The following HNRNPH1 variants were observed in gnomAD, a reference collection of about 807,000 sequenced individuals.
The protein encoded by HNRNPH1 is heterogeneous nuclear ribonucleoprotein H1.
Under a neutral mutation model 58.6 loss-of-function variants are expected in HNRNPH1, and 4 were observed. The ratio of observed to expected loss-of-function variants is 0.07; its 90% CI spans 0.03 to 0.16. The LOEUF (loss-of-function observed/expected upper bound fraction) is 0.16. Ranked by LOEUF, HNRNPH1 falls within the 10% of genes least tolerant of loss-of-function variation. HNRNPH1 has a pLI of 1.00. For synonymous variants in HNRNPH1, 192 were observed against 189.2 expected (o/e 1.01, Z -0.12); for missense variants, 271 against 564.2 (o/e 0.48, Z 5.26).
chr5:179,626,837 G>A (rs1325556223), upstream of HNRNPH1, among the ~76,000 whole-genome samples: 7 of 147,206 alleles, frequency 4.8e-5, no homozygotes, highest in South Asian at 2.2e-4. Flanking sequence ...GTACAATGGC[G>A]CGATCTCCGC....
rs1400115614 is a variant in HNRNPH1 at position 179,621,232 on chromosome 5, T to C, written c.253+10A>G. 2 of 1,612,274 alleles carry C rather than the reference T, an allele frequency of 1.2e-6. No homozygotes were observed. The highest frequency in any genetic ancestry group is 1.7e-6 in the Non-Finnish European group (2 of 1,178,470). On this transcript the variant is annotated intron_variant, in intron 2 of 12. Transcript: ENST00000356731. ...TTTATTTACTGTAACTAGGGCAATG[T>C]AAATCAAACCTTCAACATATCTGTG...
At position 179,623,065 on chromosome 5, in the gene HNRNPH1, C is replaced by G. The variant is rs915484179; in HGVS notation, c.69G>C (p.Ser23=). The G allele has an allele frequency of 4.4e-6, 7 of 1,603,042 alleles. No homozygotes were observed. In the African/African-American group the frequency reaches 5.4e-5, roughly 12 times the overall value. Residue 23 remains serine, a synonymous_variant, in exon 1 of 13, where the codon TCG becomes TCC. Coordinates refer to ENST00000356731, the Ensembl canonical transcript of HNRNPH1. ...AAAAAAACCTCTGCACTTCATCGGC[C>G]GAGCAAGACCAGGGCAAGCCCCGGA... is the stretch of plus-strand genomic sequence containing the variant.
chr5:179,632,095 A>G (rs1455099326), intron 2 of HNRNPH1, among the ~76,000 whole-genome samples: 1 of 151,970 alleles, frequency 6.6e-6, no homozygotes, highest in African/African-American at 2.4e-5. Flanking sequence ...TCACGAGGTC[A>G]GGAGATCGAG....
chr5:179,617,434 C>G, intron 8 of HNRNPH1, 80 bp downstream of exon 9: 2 of 1,469,594 alleles, frequency 1.4e-6, no homozygotes, highest in East Asian at 2.3e-5. Flanking sequence ...CTCATATATC[C>G]TTATTTTTCC....
upstream of HNRNPH1, among the ~76,000 whole-genome samples, chr5:179,626,007 T>G (rs1011410078): frequency 3.3e-5 from 5 of 152,084 alleles, no homozygotes; most frequent in Non-Finnish European, 5.9e-5. Context: ...CAGGCTGGTC[T>G]TGAATTCTTG....
chr5:179,618,486 T>TA, intron 4 of HNRNPH1, 163 bp from the exon 6 acceptor site: 1 of 494,604 alleles, frequency 2.0e-6, no homozygotes, highest in Non-Finnish European at 3.5e-6. Context: ...GACCAGAAAT[T>TA]CACTCAATAA....
chr5:179,623,422 C>T (rs1008314029), exon 1 of HNRNPH1: 2 of 254,740 alleles, frequency 7.9e-6, no homozygotes, highest in Admixed American at 5.3e-5. Flanking sequence ...GCTTCCGCTC[C>T]GCCTCCTCCG....
exon 1 of HNRNPH1, chr5:179,624,572 A>G: frequency 5.0e-6 from 2 of 398,718 alleles, no homozygotes; most frequent in Non-Finnish European, 8.8e-6. Context: ...GAGTGCGTCC[A>G]TTCACCAGGC....
chr5:179,622,195 A>T (rs1219275195), intron 1 of HNRNPH1, among the ~76,000 whole-genome samples: 2 of 152,098 alleles, frequency 1.3e-5, no homozygotes, highest in African/African-American at 2.4e-5. Flanking sequence ...GAACTAGATA[A>T]GAAAACACTC....
upstream of HNRNPH1, among the ~76,000 whole-genome samples, chr5:179,628,132 T>G (rs1029457240): frequency 6.6e-6 from 1 of 151,990 alleles, no homozygotes; most frequent in African/African-American, 2.4e-5. Flanking sequence ...CTATGATTGC[T>G]TTTTAATATT....
rs1770049317 is a variant in HNRNPH1, at chr5:179,616,969, A to AAAAAAAAAGTTT, written c.1118-12_1118-11insAAACTTTTTTTT. ...CTACATATCTGTGTTCTGAAATGAG[A>AAAAAAAAAGTTT]GAAAAGGCATACAAGGTTAGCTTAA... On this transcript the variant is annotated splice_polypyrimidine_tract_variant and intron_variant, in intron 9 of 12. Coordinates refer to ENST00000356731, the Ensembl canonical transcript of HNRNPH1. 1 of 1,573,762 alleles carries AAAAAAAAAGTTT rather than the reference A, an allele frequency of 6.4e-7. No individual in the cohort carries two copies. Among genetic ancestry groups the AAAAAAAAAGTTT allele is most frequent in the Admixed American group, 1.7e-5 (1 of 57,516 alleles).
At chr5:179,622,325 A>T (rs1772842715) in intron 1 of HNRNPH1, among the ~76,000 whole-genome samples, 1 of 152,246 alleles carries the variant, frequency 6.6e-6, no homozygotes, top group Admixed American at 6.5e-5. Context: ...ACTTCAAGAT[A>T]TTGCAAAACA....
chr5:179,620,968 C>T (rs1376249014), exon 3 of HNRNPH1: 1 of 1,613,808 alleles, frequency 6.2e-7, no homozygotes, highest in Admixed American at 1.7e-5. Flanking sequence ...CATCATTGGC[C>T]GTGTCAGGAC....
exon 13 of HNRNPH1, chr5:179,614,685 C>G: frequency 1.9e-6 from 1 of 538,824 alleles, no homozygotes; most frequent in Non-Finnish European, 3.3e-6. Flanking sequence ...TTCAAAAATA[C>G]TGGGCCTTAA....
chr5:179,620,693 AGTT>A lies in HNRNPH1; in HGVS notation c.397+196_397+198del, dbSNP rs1459841861. Reference sequence around the variant, plus strand: ...GAACTATAATACTAAATATAGGCAAAGTTAACATTTTGGAAGTACTTCATTTCC... The same window carrying A: ...GAACTATAATACTAAATATAGGCAAAAACATTTTGGAAGTACTTCATTTCC... On this transcript the variant is annotated intron_variant, in intron 3 of 12. Transcript: ENST00000356731. 5.3e-6 allele frequency: 3 copies of A among 569,752 alleles called. No individual in the cohort carries two copies. In the African/African-American group the frequency reaches 5.6e-5, roughly 11 times the overall value. The allele number at this position is 569,752 out of a possible 1,614,324, so 35.3% of individuals were successfully genotyped here. A position where few individuals can be genotyped will look rare whatever the true frequency, so the allele number is the denominator to read the frequency against.
intron 4 of HNRNPH1, 151 bp downstream of exon 5, chr5:179,619,118 A>T (rs1433640690): frequency 1.5e-6 from 1 of 660,214 alleles, no homozygotes; most frequent in East Asian, 2.9e-5. Context: ...GTTTGCGTGT[A>T]ACGTGGGACT....
intron 2 of HNRNPH1, among the ~76,000 whole-genome samples, chr5:179,629,986 T>C (rs1051105894): frequency 6.6e-6 from 1 of 152,080 alleles, no homozygotes; most frequent in Non-Finnish European, 1.5e-5. Flanking sequence ...ATCACGCCAC[T>C]ACACTCGAGC....
intron 1 of HNRNPH1, 194 bp downstream of exon 2, chr5:179,622,843 G>GT (rs1297374302): frequency 6.6e-6 from 1 of 152,480 alleles, no homozygotes; most frequent in African/African-American, 2.4e-5. Context: ...TTTCCATTGC[G>GT]TAACAGCGGG....
intron 11 of HNRNPH1, 95 bp from the exon 13 acceptor site, chr5:179,615,690 C>T (rs985319623): frequency 3.1e-6 from 2 of 652,714 alleles, no homozygotes; most frequent in East Asian, 5.4e-5. Flanking sequence ...CCTAGGTTAA[C>T]TGACTAATAA....
Sources: gnomAD v4.1 joint callset for allele counts (sites outside exome capture counted in the v4.1 genomes callset) on GRCh38, gnomAD v4.1.1 for gene constraint, MANE v1.5 for transcripts, NCBI Gene and HGNC (gene_info 2026-07-23, HGNC 2026-07-21) for gene names.